The following SYN2 variants were observed in gnomAD, a reference collection of about 807,000 sequenced individuals.
The protein encoded by SYN2 is synapsin II, also known as synapsin-2.
A neutral mutation model predicts 50.9 loss-of-function variants in SYN2; 19 were observed. The observed-to-expected ratio is 0.37, with a 90% CI of 0.26 to 0.55. The LOEUF (loss-of-function observed/expected upper bound fraction) is 0.55, where lower values mean the gene tolerates loss of function less well. Ranked by LOEUF, SYN2 falls within the 20% of genes least tolerant of loss-of-function variation. SYN2 has a pLI of 0.81. For synonymous variants in SYN2, 255 were observed against 224.9 expected (o/e 1.13, Z -1.20); for missense variants, 587 against 576.4 (o/e 1.02, Z -0.19).
intron 1 of SYN2, among the ~76,000 whole-genome samples, chr3:12,126,598 A>G (rs780153259): frequency 2.2e-4 from 34 of 152,228 alleles, no homozygotes; most frequent in Non-Finnish European, 3.2e-4. Flanking sequence ...TAGTTGTAGT[A>G]TGAAGTGGTT....
At chr3:12,024,079 G>C (rs549239374) in intron 1 of SYN2, among the ~76,000 whole-genome samples, 1 of 149,814 alleles carries the variant, frequency 6.7e-6, no homozygotes, top group Non-Finnish European at 1.5e-5. Context: ...AAATTATAAA[G>C]TATGACCCAA....
chr3:12,086,878 A>G (rs917728695), intron 1 of SYN2, among the ~76,000 whole-genome samples: 5 of 152,182 alleles, frequency 3.3e-5, no homozygotes, highest in Non-Finnish European at 7.4e-5. Context: ...TAGGCAAGAA[A>G]TAGAAATAAA....
intron 1 of SYN2, among the ~76,000 whole-genome samples, chr3:12,121,345 A>G (rs1352027552): frequency 6.6e-6 from 1 of 152,190 alleles, no homozygotes; most frequent in African/African-American, 2.4e-5. Flanking sequence ...CATCTCACTT[A>G]TGGTGGATGT....
intron 1 of SYN2, among the ~76,000 whole-genome samples, chr3:12,028,406 G>C (rs1694312910): frequency 6.8e-6 from 1 of 146,660 alleles, no homozygotes; most frequent in African/African-American, 2.6e-5. Context: ...TGGGATGGCT[G>C]GGTCAAATGG....
chr3:12,101,472 G>C (rs900874363), intron 1 of SYN2, among the ~76,000 whole-genome samples: 3 of 152,156 alleles, frequency 2.0e-5, no homozygotes, highest in African/African-American at 7.2e-5. Flanking sequence ...GTGATTGTCG[G>C]AGGCTGGGTA....
chr3:12,134,154 TA>T (rs760279495), intron 1 of SYN2, among the ~76,000 whole-genome samples: 3 of 152,184 alleles, frequency 2.0e-5, no homozygotes, highest in Non-Finnish European at 2.9e-5. Flanking sequence ...ACAGAATGCT[TA>T]AAAATTGACA....
chr3:12,128,303 C>T (rs971083028), intron 1 of SYN2, among the ~76,000 whole-genome samples: 2 of 152,084 alleles, frequency 1.3e-5, no homozygotes, highest in African/African-American at 4.8e-5. Context: ...GAAATCGGGT[C>T]CTCAGTTTCT....
chr3:12,076,832 A>G (rs897776095), intron 1 of SYN2, among the ~76,000 whole-genome samples: 2 of 152,144 alleles, frequency 1.3e-5, no homozygotes, highest in African/African-American at 2.4e-5. Context: ...ATGTCACTCA[A>G]ATAGCCCAGG....
chr3:12,168,286 G>A (rs887583323), intron 8 of SYN2, 90 bp from the exon 9 acceptor site: 2 of 980,286 alleles, frequency 2.0e-6, no homozygotes, highest in African/African-American at 3.2e-5. Flanking sequence ...AGGTGGGAGA[G>A]ATGGAGGCAG....
intron 4 of SYN2, chr3:12,148,434 C>G (rs1391378178): frequency 2.0e-5 from 3 of 152,206 alleles, no homozygotes; most frequent in African/African-American, 7.2e-5. Flanking sequence ...GGGGAGGGTC[C>G]CTTTCAGCTG....
chr3:12,110,204 A>G (rs1696282435), intron 1 of SYN2, among the ~76,000 whole-genome samples: 1 of 152,164 alleles, frequency 6.6e-6, no homozygotes, highest in African/African-American at 2.4e-5. Context: ...TAAAATGGTA[A>G]TAATTGTAAT....
At chr3:12,150,953 C>T (rs1201706262) in intron 4 of SYN2, among the ~76,000 whole-genome samples, 4 of 152,094 alleles carry the variant, frequency 2.6e-5, no homozygotes, top group Non-Finnish European at 5.9e-5. Flanking sequence ...TCTCTGGGCC[C>T]CATATGTAAA....
At chr3:12,145,530 GTC>G (rs1697126064) in intron 3 of SYN2, 147 bp from the exon 4 acceptor site, 1 of 918,302 alleles carries the variant, frequency 1.1e-6, no homozygotes, top group Non-Finnish European at 1.6e-6. Flanking sequence ...AGTAAGACCT[GTC>G]TCTAAAATAA....
intron 1 of SYN2, among the ~76,000 whole-genome samples, chr3:12,097,914 G>T (rs570168313): frequency 6.6e-6 from 1 of 152,258 alleles, no homozygotes; most frequent in South Asian, 2.1e-4. Context: ...AATGACCCAT[G>T]TAATGGGTGC....
chr3:12,053,632 A>G (rs1394339290), intron 1 of SYN2, among the ~76,000 whole-genome samples: 1 of 138,024 alleles, frequency 7.2e-6, no homozygotes, highest in Non-Finnish European at 1.6e-5. Flanking sequence ...GCTAGGTGGC[A>G]TACTTACTAT....
intron 1 of SYN2, among the ~76,000 whole-genome samples, chr3:12,112,578 A>C (rs1207955639): frequency 2.0e-5 from 3 of 152,184 alleles, no homozygotes; most frequent in Non-Finnish European, 2.9e-5. Flanking sequence ...GGCAGTGTGC[A>C]AAATATTGCA....
intron 1 of SYN2, among the ~76,000 whole-genome samples, chr3:12,042,514 G>A (rs1694640684): frequency 6.6e-6 from 1 of 152,164 alleles, no homozygotes; most frequent in Non-Finnish European, 1.5e-5. Context: ...CAATGGAAAG[G>A]TAATGTCTTC....
In SYN2 at chr3:12,162,033, G is replaced by A. The variant is rs781565955; in HGVS notation, c.859G>A (p.Asp287Asn). The change falls in exon 7 of 13, where the codon GAC (aspartate) becomes AAC (asparagine). Residue 287 changes from aspartate (D) to asparagine (N), a missense_variant. Asp to Asn is a conservative substitution (Grantham distance 23). Coordinates refer to ENST00000621198, the MANE Select transcript of SYN2 (RefSeq NM_133625.6). ...MGKVKVENHYDFQDIASVVAL... is the reference protein window; with the variant it reads ...MGKVKVENHYNFQDIASVVAL... ...TTAGGTCAAAGTGGAAAACCACTAC[G>A]ACTTCCAGGACATTGCCAGCGTGGT... is the stretch of plus-strand genomic sequence containing the variant. 6.4e-5 allele frequency: 104 copies of A among 1,613,856 alleles called. No homozygotes were observed. Among genetic ancestry groups the A allele is most frequent in the Non-Finnish European group, 8.5e-5 (100 of 1,179,892 alleles).
In SYN2 at chr3:12,039,911, C is replaced by G. The variant is rs181973265; in HGVS notation, c.377+34983C>G. 1.0e-3 allele frequency among the ~76,000 whole-genome samples: 158 copies of G among 152,206 alleles called. 1 individual carries two copies. In the East Asian group the frequency reaches 0.024, roughly 23 times the overall value. On this transcript the variant is annotated intron_variant, in intron 1 of 12. Coordinates refer to ENST00000621198, the MANE Select transcript of SYN2 (RefSeq NM_133625.6). Reference sequence around the variant, plus strand: ...TTCCTGCCTTTAAGTAGTTGATAGTCTAGTATGAATGAAATGCAAGTTGTA... The same window carrying G: ...TTCCTGCCTTTAAGTAGTTGATAGTGTAGTATGAATGAAATGCAAGTTGTA...
Sources: allele counts gnomAD v4.1 joint callset (sites outside exome capture counted in the v4.1 genomes callset), GRCh38; gene constraint gnomAD v4.1.1; transcripts MANE v1.5; gene names NCBI Gene and HGNC (gene_info 2026-07-23, HGNC 2026-07-21).